The following MOB1B variants were observed in gnomAD, a reference collection of about 807,000 sequenced individuals.
The protein encoded by MOB1B is MOB kinase activator 1B.
MOB1B carries 19 observed loss-of-function variants against 24.4 expected under a neutral mutation model. The ratio of observed to expected loss-of-function variants is 0.78; its 90% confidence interval spans 0.54 to 1.14. The LOEUF is 1.14. Among genes scored for constraint, MOB1B ranks in the 50% most tolerant of loss-of-function variants. The pLI is 0.00. For synonymous variants in MOB1B, 76 were observed against 82.1 expected, an observed-to-expected ratio of 0.93 and a Z score of 0.40; for missense variants, 243 against 259.6, an observed-to-expected ratio of 0.94 and a Z score of 0.44.
intron 1 of MOB1B, among the ~76,000 whole-genome samples, chr4:70,920,411 G>C (rs924934695): frequency 1.3e-5 from 2 of 152,182 alleles, no homozygotes; most frequent in East Asian, 1.9e-4. Flanking sequence ...TTTTAGTAGA[G>C]ATGGGGTTTT....
In MOB1B at chr4:70,975,252, G is replaced by A; in HGVS notation, c.375G>A (p.Gln125=). The change falls in exon 4 of 6, where the codon CAG becomes CAA. Residue 125 remains glutamine, a synonymous_variant. Coordinates refer to ENST00000309395, the MANE Select transcript of MOB1B (RefSeq NM_173468.4). ...ACTTGATGACTTGGGTTCAGGACCA[G>A]TTGGATGATGAGACGTTATTTCCAT... The part of the protein sequence containing the change: ...IDYLMTWVQD[Q]LDDETLFPSK... The A allele has an allele frequency of 6.2e-7, 1 of 1,613,474 alleles. No individual in the cohort carries two copies. Among genetic ancestry groups the A allele is most frequent in the Non-Finnish European group, 8.5e-7 (1 of 1,179,734 alleles).
intron 1 of MOB1B, among the ~76,000 whole-genome samples, chr4:70,908,327 C>T (rs1252480069): frequency 2.7e-5 from 4 of 149,342 alleles, no homozygotes; most frequent in Non-Finnish European, 1.5e-5. Context: ...TGTGCCCGGC[C>T]CTCTTTTTTT....
intron 1 of MOB1B, among the ~76,000 whole-genome samples, chr4:70,903,754 G>T: frequency 6.6e-6 from 1 of 150,840 alleles, no homozygotes; most frequent in African/African-American, 2.4e-5. Flanking sequence ...TTTTTTTTAG[G>T]GTGTTTAAGC....
intron 1 of MOB1B, among the ~76,000 whole-genome samples, chr4:70,954,628 AC>A (rs1737961181): frequency 6.7e-6 from 1 of 150,138 alleles, no homozygotes; most frequent in Non-Finnish European, 1.5e-5. Flanking sequence ...GCTAATTATT[AC>A]GTTTTTAGTA....
At position 70,944,776 on chromosome 4, in the gene MOB1B, A is replaced by T. The variant is rs116823542; in HGVS notation, c.15-14098A>T. Among the ~76,000 whole-genome samples, 923 of 152,112 alleles carry T rather than the reference A, an allele frequency of 6.1e-3. 5 individuals carry two copies. Among genetic ancestry groups the T allele is most frequent in the Middle Eastern group, 0.014 (4 of 294 alleles). Reference sequence around the variant, plus strand: ...CAGAGGAAGTAGAGAGGAGAGAGAGAAAGGGGGAGAGTAGGGGATGAGATG... The same window carrying T: ...CAGAGGAAGTAGAGAGGAGAGAGAGTAAGGGGGAGAGTAGGGGATGAGATG... On this transcript the variant is annotated intron_variant, in intron 1 of 5. Transcript: ENST00000309395.
chr4:70,970,787 G>A (rs1011788738), intron 3 of MOB1B, among the ~76,000 whole-genome samples: 28 of 152,088 alleles, frequency 1.8e-4, no homozygotes, highest in Admixed American at 3.9e-4. Context: ...CAAAGAGCCC[G>A]TAACAGAAGT....
rs965987631 is a variant in MOB1B at position 70,902,529 on chromosome 4, C to T, written c.-8C>T. Reference sequence around the variant, plus strand: ...ACCGCCGAGCCTGCAGCCTGCCCCGCGGCCAACATGAGCTTCTTGTTGTGA... The same window carrying T: ...ACCGCCGAGCCTGCAGCCTGCCCCGTGGCCAACATGAGCTTCTTGTTGTGA... On this transcript the variant is annotated 5_prime_UTR_variant, in exon 1 of 6. Transcript: ENST00000309395. 47 of 1,564,698 alleles carry T rather than the reference C, an allele frequency of 3.0e-5. No individual in the cohort carries two copies. The highest frequency in any genetic ancestry group is 3.5e-5 in the Non-Finnish European group (40 of 1,155,256).
intron 1 of MOB1B, among the ~76,000 whole-genome samples, chr4:70,907,241 G>T: frequency 6.6e-6 from 1 of 152,156 alleles, no homozygotes; most frequent in East Asian, 1.9e-4. Flanking sequence ...TATTGGCCTG[G>T]GGACAGTTGG....
chr4:70,968,603 G>A (rs567458304), intron 2 of MOB1B, among the ~76,000 whole-genome samples: 4 of 151,966 alleles, frequency 2.6e-5, no homozygotes, highest in African/African-American at 7.3e-5. Flanking sequence ...GAGCCACCGC[G>A]CCCAGCCTCA....
At chr4:70,947,555 G>A (rs763645538) in intron 1 of MOB1B, among the ~76,000 whole-genome samples, 3 of 152,072 alleles carry the variant, frequency 2.0e-5, no homozygotes, top group Admixed American at 6.6e-5. Context: ...GTATGTGATC[G>A]GCAAAGATTT....
At chr4:70,902,339 C>T (rs891381310), upstream of MOB1B, 3 of 667,184 alleles carry the variant, frequency 4.5e-6, no homozygotes, top group Non-Finnish European at 8.2e-6. Flanking sequence ...TCAAGACGAG[C>T]GCTACCCACT....
At chr4:70,938,928 C>A (rs542879762) in intron 1 of MOB1B, among the ~76,000 whole-genome samples, 1 of 152,178 alleles carries the variant, frequency 6.6e-6, no homozygotes, top group African/African-American at 2.4e-5. Flanking sequence ...CAGGCACCTG[C>A]CAGCACCTCG....
intron 1 of MOB1B, among the ~76,000 whole-genome samples, chr4:70,920,218 T>C (rs1736369733): frequency 6.6e-6 from 1 of 151,912 alleles, no homozygotes; most frequent in Admixed American, 6.6e-5. Flanking sequence ...CCTCTTCCTC[T>C]TCCTCCTCCT....
chr4:70,904,194 G>T (rs1197486885), intron 1 of MOB1B, among the ~76,000 whole-genome samples: 1 of 151,350 alleles, frequency 6.6e-6, no homozygotes, highest in Non-Finnish European at 1.5e-5. Context: ...ATGTTGGCCA[G>T]GCTGGTCTCG....
intron 1 of MOB1B, among the ~76,000 whole-genome samples, chr4:70,952,160 G>A (rs1737835971): frequency 6.6e-6 from 1 of 152,036 alleles, no homozygotes; most frequent in African/African-American, 2.4e-5. Context: ...GGTAGCAGAT[G>A]ACTGGAGGAA....
rs1739265068 is a variant in MOB1B at position 70,983,001 on chromosome 4, T to C, written c.*944T>C. ...GTTCGTATGTATGAGGAGTTAGGGA[T>C]GGGGAGTCAAGTTCTAGAAAGTTTT... On this transcript the variant is annotated 3_prime_UTR_variant, in exon 6 of 6. Coordinates refer to ENST00000309395, the MANE Select transcript of MOB1B (RefSeq NM_173468.4). The C allele has an allele frequency of 6.6e-6, 1 of 152,282 alleles. No individual in the cohort carries two copies. The highest frequency in any genetic ancestry group is 1.5e-5 in the Non-Finnish European group (1 of 67,960). The allele number at this position is 152,282 out of a possible 1,614,324, so 9.4% of individuals were successfully genotyped here. A position where few individuals can be genotyped will look rare whatever the true frequency, so the allele number is the denominator to read the frequency against.
chr4:70,902,790 C>T (rs937130954), intron 1 of MOB1B, among the ~76,000 whole-genome samples: 1 of 152,208 alleles, frequency 6.6e-6, no homozygotes, highest in Non-Finnish European at 1.5e-5. Context: ...GTTCTTCCCC[C>T]CCGGCACACC....
intron 1 of MOB1B, among the ~76,000 whole-genome samples, chr4:70,926,957 A>C (rs1736682273): frequency 6.6e-6 from 1 of 151,350 alleles, no homozygotes; most frequent in African/African-American, 2.4e-5. Flanking sequence ...AGATTGTGAC[A>C]CTGCACTCCG....
intron 1 of MOB1B, among the ~76,000 whole-genome samples, chr4:70,907,274 T>G (rs1735788363): frequency 6.6e-6 from 1 of 152,184 alleles, no homozygotes; most frequent in South Asian, 2.1e-4. Context: ...CTGACGTAGG[T>G]GTTTTTCCTT....
Sources: gnomAD v4.1 joint callset for allele counts (sites outside exome capture counted in the v4.1 genomes callset) on GRCh38, gnomAD v4.1.1 for gene constraint, MANE v1.5 for transcripts, NCBI Gene and HGNC (gene_info 2026-07-23, HGNC 2026-07-21) for gene names.